Variants in RUVBL1 observed in about 807,000 individuals in gnomAD.
RUVBL1 encodes RuvB like AAA ATPase 1.
A neutral mutation model predicts 52.4 loss-of-function variants in RUVBL1; 4 were observed. That is an observed-to-expected ratio of 0.08 (90% CI 0.04 to 0.17). RUVBL1 has a LOEUF of 0.17. RUVBL1 is among the 10% of genes least tolerant of loss of function. The pLI, the probability that RUVBL1 is intolerant of heterozygous loss-of-function variation, is 1.00. For missense variants in RUVBL1, 298 were observed against 572.8 expected (o/e 0.52, Z 4.90); for synonymous variants, 217 against 214.4 (o/e 1.01, Z -0.10).
chr3:128,126,924 T>C (rs1325461469), upstream of RUVBL1, among the ~76,000 whole-genome samples: 1 of 152,204 alleles, frequency 6.6e-6, no homozygotes, highest in Non-Finnish European at 1.5e-5. Flanking sequence ...CCACACCCCA[T>C]GTTTGTTTCA....
In RUVBL1 at chr3:128,101,591, T is replaced by G. The variant is rs774696756; in HGVS notation, c.571A>C (p.Ile191Leu). The change falls in exon 5 of 11, where the codon ATT becomes CTT. Residue 191 changes from isoleucine to leucine, a missense_variant. Around this residue, in one of 5 missense-constraint regions of RUVBL1, gnomAD observed 58 missense variants for 83.2 expected, o/e 0.70. Transcript: ENST00000322623. ...GCCCCACTGTTGGCTTCAATGTAAA[T>G]CACATCTCCAGCTTCTACTCGCTCT... The part of the protein sequence containing the change: ...QKERVEAGDV[I>L]YIEANSGAVK... 1 of 1,613,944 alleles carries G rather than the reference T, an allele frequency of 6.2e-7. No individual in the cohort carries two copies. The highest frequency in any genetic ancestry group is 8.5e-7 in the Non-Finnish European group (1 of 1,180,026).
In RUVBL1 at chr3:128,121,631, AC is replaced by A. The variant is rs533850287; in HGVS notation, c.141+1952del. Among the ~76,000 whole-genome samples, 47 of 147,902 alleles carry A rather than the reference AC, an allele frequency of 3.2e-4. No homozygotes were observed. The East Asian group carries it at 8.9e-3, about 28-fold the overall frequency. ...AGGCTGAGGCAGGAGAATCGCTTGA[AC>A]CCAGGAGGCAGAGGTTGCAGTGAGC... is the stretch of plus-strand genomic sequence containing the variant. On this transcript the variant is annotated intron_variant, in intron 1 of 10. Transcript: ENST00000322623.
intron 8 of RUVBL1, among the ~76,000 whole-genome samples, chr3:128,094,330 CA>C (rs1461784671): frequency 6.6e-6 from 1 of 152,176 alleles, no homozygotes; most frequent in African/African-American, 2.4e-5. Context: ...GTCATTTACA[CA>C]GGGAGGGGTG....
chr3:128,149,430 C>T (rs1361241516), intron 1 of RUVBL1, among the ~76,000 whole-genome samples: 3 of 152,146 alleles, frequency 2.0e-5, no homozygotes, highest in African/African-American at 4.8e-5. Flanking sequence ...AGTGATCTGC[C>T]CGCCTTCGCC....
In RUVBL1 at chr3:128,119,383, C is replaced by T. The variant is rs1378609102; in HGVS notation, c.173G>A (p.Ser58Asn). The T allele has an allele frequency of 1.2e-6, 2 of 1,613,866 alleles. No individual in the cohort carries two copies. The highest frequency in any genetic ancestry group is 1.7e-6 in the Non-Finnish European group (2 of 1,179,954). Residue 58 changes from serine (S) to asparagine (N), a missense_variant, in exon 2 of 11, where the codon AGC becomes AAC. Physicochemically the swap from Ser to Asn is conservative, Grantham distance 46. Transcript: ENST00000322623. Reference protein sequence around the residue: ...ACGVIVELIKSKKMAGRAVLL... With the variant: ...ACGVIVELIKNKKMAGRAVLL... The stretch of plus-strand genomic sequence containing the variant: ...GACAGCTCTTCCAGCCATTTTCTTG[C>T]TTTTGATTAATTCTACTATGACGCC...
At chr3:128,092,569 A>G (rs965890252) in intron 8 of RUVBL1, among the ~76,000 whole-genome samples, 9 of 152,200 alleles carry the variant, frequency 5.9e-5, no homozygotes, top group African/African-American at 2.2e-4. Context: ...CTCCAAAGAC[A>G]ATATACAAAT....
At chr3:128,146,698 T>A (rs976413772) in intron 1 of RUVBL1, among the ~76,000 whole-genome samples, 6 of 151,868 alleles carry the variant, frequency 4.0e-5, no homozygotes, top group African/African-American at 1.5e-4. Context: ...TGCATGCACA[T>A]GTGTCTCTGT....
chr3:128,125,788 C>T (rs139619972), upstream of RUVBL1, among the ~76,000 whole-genome samples: 62 of 152,290 alleles, frequency 4.1e-4, no homozygotes, highest in African/African-American at 1.4e-3. Context: ...GTTGCTTAGC[C>T]CCTCATTGAC....
chr3:128,106,463 C>G (rs35437840), intron 3 of RUVBL1, among the ~76,000 whole-genome samples: 1 of 151,730 alleles, frequency 6.6e-6, no homozygotes, highest in Admixed American at 6.6e-5. Context: ...ACGTATCCCC[C>G]CCCCCTTCAC....
At chr3:128,125,160 G>A (rs2107724655), upstream of RUVBL1, among the ~76,000 whole-genome samples, 1 of 151,706 alleles carries the variant, frequency 6.6e-6, no homozygotes, top group African/African-American at 2.4e-5. Flanking sequence ...GACTACAGGC[G>A]CCCACCATCA....
At chr3:128,076,442 G>A (rs1942328686), downstream of RUVBL1, among the ~76,000 whole-genome samples, 1 of 152,188 alleles carries the variant, frequency 6.6e-6, no homozygotes, top group South Asian at 2.1e-4. This position sits in a 1 kb window ranked among gnomAD's most constrained non-coding sequence, Gnocchi z 6.8. Context: ...GGAGGGTGGG[G>A]AACCTGGGAT....
At chr3:128,101,722 C>T (rs890930045) in intron 4 of RUVBL1, 74 bp from the exon 5 acceptor site, 48 of 1,456,144 alleles carry the variant, frequency 3.3e-5, no homozygotes, top group Non-Finnish European at 4.1e-5. Context: ...GGTACCTTTC[C>T]GTAAGGGATC....
At chr3:128,152,586 G>A (rs569539081) in intron 1 of RUVBL1, among the ~76,000 whole-genome samples, 7 of 152,066 alleles carry the variant, frequency 4.6e-5, no homozygotes, top group East Asian at 3.9e-4. Context: ...TAATATTAGC[G>A]GGCACTGTAG....
intron 1 of RUVBL1, among the ~76,000 whole-genome samples, chr3:128,138,434 A>T (rs1476358245): frequency 6.6e-6 from 1 of 152,188 alleles, no homozygotes; most frequent in Non-Finnish European, 1.5e-5. Context: ...AGTCTGAAAA[A>T]GAAATCAAGA....
chr3:128,132,775 G>T (rs1576485081), intron 1 of RUVBL1, among the ~76,000 whole-genome samples: 2 of 152,152 alleles, frequency 1.3e-5, no homozygotes, highest in Non-Finnish European at 2.9e-5. Context: ...CCTTGGGTGA[G>T]ACCCAGTGCC....
intron 9 of RUVBL1, among the ~76,000 whole-genome samples, chr3:128,087,294 T>A (rs974306077): frequency 2.6e-5 from 4 of 152,206 alleles, no homozygotes; most frequent in Non-Finnish European, 4.4e-5. Flanking sequence ...GTCCTCTGAG[T>A]AGAAAAGGCC....
chr3:128,109,588 T>C (rs1464139462), intron 3 of RUVBL1, among the ~76,000 whole-genome samples: 1 of 152,010 alleles, frequency 6.6e-6, no homozygotes, highest in East Asian at 1.9e-4. Context: ...AGCCTCGACT[T>C]ACTCAGGTGA....
intron 8 of RUVBL1, among the ~76,000 whole-genome samples, chr3:128,094,869 G>A (rs901810118): frequency 5.9e-5 from 9 of 152,176 alleles, no homozygotes; most frequent in African/African-American, 2.2e-4. Flanking sequence ...ATTATTGTTG[G>A]CTATTACTTT....
chr3:128,137,671 T>C (rs1317953314), intron 1 of RUVBL1, among the ~76,000 whole-genome samples: 2 of 152,202 alleles, frequency 1.3e-5, no homozygotes, highest in South Asian at 2.1e-4. Context: ...GAGGGAATAC[T>C]TCCAAACTTA....
Sources: gnomAD v4.1 joint callset for allele counts (sites outside exome capture counted in the v4.1 genomes callset) on GRCh38, gnomAD v4.1.1 for gene constraint, gnomAD v4.1.1 regional missense constraint, Gnocchi (gnomAD v3.1) non-coding constraint, MANE v1.5 for transcripts, NCBI Gene and HGNC (gene_info 2026-07-23, HGNC 2026-07-21) for gene names.